Variants in VPS13C observed in about 807,000 individuals in gnomAD.
VPS13C encodes vacuolar protein sorting 13 homolog C.
Under a neutral mutation model 456.8 loss-of-function variants are expected in VPS13C, and 358 were observed. That is an observed-to-expected ratio of 0.78 (90% confidence interval 0.72 to 0.86). VPS13C has a LOEUF of 0.86. VPS13C is among the 40% of genes least tolerant of loss of function. VPS13C has a pLI of 0.00. For missense variants in VPS13C, 4,818 were observed against 4,385.4 expected, an observed-to-expected ratio of 1.10 and a Z score of -2.79; for synonymous variants, 1,578 against 1,486.7, an observed-to-expected ratio of 1.06 and a Z score of -1.41.
chr15:62,002,146 G>T (rs1159247023), intron 15 of VPS13C, among the ~76,000 whole-genome samples: 1 of 152,164 alleles, frequency 6.6e-6, no homozygotes, highest in Non-Finnish European at 1.5e-5. Context: ...CAGTGTAAAG[G>T]TGTTCCTATT....
chr15:62,015,346 C>G (rs148962670), intron 9 of VPS13C, among the ~76,000 whole-genome samples: 1,658 of 152,174 alleles, frequency 0.011, 41 homozygotes, highest in African/African-American at 0.038. Flanking sequence ...TGTGCAGAAG[C>G]TCTTGAGTTT....
rs961035570 is a variant in VPS13C, at chr15:61,858,088, G to C, written c.10953-1679C>G. On this transcript the variant is annotated intron_variant, in intron 82 of 84. Coordinates refer to ENST00000644861, the MANE Select transcript of VPS13C (RefSeq NM_020821.3). The surrounding 1 kb of genome is among the most constrained non-coding windows in gnomAD (Gnocchi z 4.4). ...TCGATAATCAGCTGACAGAGCTAAGGATGGCTGTCACAAATCCTCGTGCCA... is the reference window on the plus strand; with the variant it reads ...TCGATAATCAGCTGACAGAGCTAAGCATGGCTGTCACAAATCCTCGTGCCA... 1.3e-5 allele frequency among the ~76,000 whole-genome samples: 2 copies of C among 152,074 alleles called. No homozygotes were observed. Among genetic ancestry groups the C allele is most frequent in the African/African-American group, 4.8e-5 (2 of 41,398 alleles).
intron 15 of VPS13C, among the ~76,000 whole-genome samples, chr15:62,005,529 T>C (rs1375258231): frequency 6.6e-6 from 1 of 151,982 alleles, no homozygotes; most frequent in Non-Finnish European, 1.5e-5. Flanking sequence ...TTAAAGTTAA[T>C]ATTGTTATGT....
intron 3 of VPS13C, among the ~76,000 whole-genome samples, chr15:62,036,835 T>G (rs1229396517): frequency 2.0e-5 from 3 of 151,918 alleles, no homozygotes; most frequent in African/African-American, 7.2e-5. Flanking sequence ...ATTTTTTAAA[T>G]TTTTAAGAAA....
Position 61,915,965 on chromosome 15 carries a change from T to C in VPS13C, c.8113A>G (p.Arg2705Gly). 6.2e-7 allele frequency: 1 copy of C among 1,613,492 alleles called. No homozygotes were observed. Among genetic ancestry groups the C allele is most frequent in the Non-Finnish European group, 8.5e-7 (1 of 1,179,592 alleles). The part of the protein sequence containing the change: ...EGSTADVLHS[R>G]ISGEIMELVL... ...AATTCCATTATTTCACCACTGATTC[T>C]CGAATGCAGAACATCAGCAGTACTG... Residue 2705 changes from arginine to glycine, a missense_variant, in exon 61 of 85, where the codon AGA (arginine) becomes GGA (glycine). Arg to Gly is a moderately radical substitution (Grantham distance 125). Around this residue, in one of 3 missense-constraint regions of VPS13C, gnomAD observed 4,552 missense variants for 4,130.6 expected, o/e 1.10. Coordinates refer to ENST00000644861, the MANE Select transcript of VPS13C (RefSeq NM_020821.3).
chr15:61,894,471 T>C (rs773712932), intron 66 of VPS13C, among the ~76,000 whole-genome samples: 3 of 152,074 alleles, frequency 2.0e-5, no homozygotes, highest in Admixed American at 1.3e-4. Context: ...CAACTATATG[T>C]TGTCTACCAG....
At chr15:61,949,725 T>A in intron 41 of VPS13C, 120 bp from the exon 42 acceptor site, 1 of 920,480 alleles carries the variant, frequency 1.1e-6, no homozygotes. Context: ...AAATTTTTAT[T>A]TTTTTAAGAA....
chr15:61,862,828 G>GT (rs1321216481), intron 82 of VPS13C, among the ~76,000 whole-genome samples: 1 of 152,108 alleles, frequency 6.6e-6, no homozygotes, highest in Non-Finnish European at 1.5e-5. Flanking sequence ...TTTTGCCACT[G>GT]TAAGAACTTT....
intron 38 of VPS13C, 60 bp from the exon 39 acceptor site, chr15:61,952,040 C>A: frequency 1.3e-6 from 2 of 1,556,120 alleles, no homozygotes; most frequent in South Asian, 2.4e-5. Context: ...GAAGGTAAGT[C>A]AAGAATTTAA....
chr15:62,028,362 CT>C lies in VPS13C; in HGVS notation c.443del (p.Lys148SerfsTer43). 6.2e-7 allele frequency: 1 copy of C among 1,612,918 alleles called. No individual in the cohort carries two copies. The highest frequency in any genetic ancestry group is 8.5e-7 in the Non-Finnish European group (1 of 1,179,230). ...TAATTAACCATGCATACCCACCAGG[CT>C]TGATGTCCTTGTAAACAAAGTTCTC... ...GLENFVYKDI[K>X]PGRKRKKHKK... On this transcript the variant is annotated frameshift_variant, in exon 6 of 85. Transcript: ENST00000644861. LOFTEE classifies it high-confidence loss of function.
intron 48 of VPS13C, chr15:61,935,574 G>T (rs1229025454): frequency 6.6e-6 from 1 of 152,142 alleles, no homozygotes; most frequent in African/African-American, 2.4e-5. Context: ...CATAAGGCTT[G>T]CCTGTTAATA....
intron 82 of VPS13C, among the ~76,000 whole-genome samples, chr15:61,859,595 C>T (rs1284016660): frequency 6.6e-6 from 1 of 152,154 alleles, no homozygotes; most frequent in Non-Finnish European, 1.5e-5. Context: ...ATACTCAAGA[C>T]TCAGCTCAAG....
chr15:61,955,230 G>T (rs751717680), intron 37 of VPS13C, among the ~76,000 whole-genome samples: 1 of 152,100 alleles, frequency 6.6e-6, no homozygotes, highest in Non-Finnish European at 1.5e-5. Context: ...TCTGTATATG[G>T]ACTGTTCTAT....
intron 16 of VPS13C, among the ~76,000 whole-genome samples, chr15:61,998,210 T>C (rs1042218394): frequency 1.3e-5 from 2 of 152,210 alleles, no homozygotes; most frequent in Admixed American, 6.5e-5. Flanking sequence ...GATTGCCCCA[T>C]GGTCTTCAGA....
chr15:62,001,685 C>A (rs937004230), intron 15 of VPS13C, among the ~76,000 whole-genome samples: 1 of 152,128 alleles, frequency 6.6e-6, no homozygotes, highest in African/African-American at 2.4e-5. Flanking sequence ...CAACCCACAA[C>A]AGTCCCCAGA....
intron 78 of VPS13C, 132 bp from the exon 79 acceptor site, chr15:61,872,166 A>G: frequency 1.5e-6 from 1 of 662,622 alleles, no homozygotes; most frequent in Non-Finnish European, 2.6e-6. Context: ...TAACTTGATA[A>G]TGTGAACAAC....
intron 15 of VPS13C, among the ~76,000 whole-genome samples, chr15:62,002,790 TG>T (rs1190605938): frequency 6.6e-6 from 1 of 152,194 alleles, no homozygotes; most frequent in Non-Finnish European, 1.5e-5. Context: ...CTTTCCCCAT[TG>T]CTTGTTTTTG....
At chr15:62,011,337 T>C (rs1408059310) in intron 12 of VPS13C, among the ~76,000 whole-genome samples, 5 of 152,108 alleles carry the variant, frequency 3.3e-5, no homozygotes, top group African/African-American at 1.2e-4. Context: ...AGATTTTCCT[T>C]AACTATTTAT....
rs1427552402 is a variant in VPS13C at position 61,961,730 on chromosome 15, G to C, written c.3767C>G (p.Ser1256Cys). ...KAPVIVIPQSSISTNAVVVDL... is the reference protein window; with the variant it reads ...KAPVIVIPQSCISTNAVVVDL... Reference sequence around the variant, plus strand: ...TACCACTACTGCATTGGTGGAAATAGAAGACTGTGGGATGACTATAACCGG... The same window carrying C: ...TACCACTACTGCATTGGTGGAAATACAAGACTGTGGGATGACTATAACCGG... The change falls in exon 35 of 85, where the codon TCT becomes TGT. Residue 1256 changes from serine to cysteine, a missense_variant. Ser to Cys is a moderately radical substitution (Grantham distance 112). Around this residue, in one of 3 missense-constraint regions of VPS13C, gnomAD observed 4,552 missense variants for 4,130.6 expected, o/e 1.10. Coordinates refer to ENST00000644861, the MANE Select transcript of VPS13C (RefSeq NM_020821.3). 1.9e-6 allele frequency: 3 copies of C among 1,613,930 alleles called. No homozygotes were observed. The highest frequency in any genetic ancestry group is 2.5e-6 in the Non-Finnish European group (3 of 1,179,966).
Sources: gnomAD v4.1 joint callset for allele counts (sites outside exome capture counted in the v4.1 genomes callset) on GRCh38, gnomAD v4.1.1 for gene constraint, gnomAD v4.1.1 regional missense constraint, Gnocchi (gnomAD v3.1) non-coding constraint, MANE v1.5 for transcripts, NCBI Gene and HGNC (gene_info 2026-07-23, HGNC 2026-07-21) for gene names.